ZNF395: variants seen among roughly 807,000 people sequenced by gnomAD.
The protein encoded by ZNF395 is zinc finger protein 395.
ZNF395 carries 20 observed loss-of-function variants against 57.7 expected under a neutral mutation model. The ratio of observed to expected loss-of-function variants is 0.35; its 90% CI spans 0.24 to 0.50. ZNF395 has a LOEUF of 0.50. Among genes scored for constraint, ZNF395 ranks in the 20% least tolerant of loss-of-function variants. The pLI is 0.97. For missense variants in ZNF395, 606 were observed against 671.2 expected (o/e 0.90, Z 1.07); for synonymous variants, 295 against 275.9 (o/e 1.07, Z -0.69).
chr8:28,380,989 C>T (rs1802101398), intron 1 of ZNF395, among the ~76,000 whole-genome samples: 1 of 149,884 alleles, frequency 6.7e-6, no homozygotes, highest in South Asian at 2.1e-4. Context: ...GCTGGGAGTA[C>T]AGGCATGCAC....
intron 1 of ZNF395, among the ~76,000 whole-genome samples, chr8:28,379,317 G>T (rs1046106719): frequency 2.0e-5 from 3 of 152,132 alleles, no homozygotes; most frequent in Non-Finnish European, 2.9e-5. Context: ...TAGATCTTAT[G>T]ATTAGATCAC....
At position 28,351,638 on chromosome 8, in the gene ZNF395, G is replaced by C. The variant is rs201188921; in HGVS notation, c.1090C>G (p.Leu364Val). ...TGCAGAGGTGGTGGAAGAGCAGACA[G>C]AGGCAGGCCAGTCATGCTGGGGGTG... Reference protein sequence around the residue: ...APTPSMTGLPLSALPPPLHKA... With the variant: ...APTPSMTGLPVSALPPPLHKA... Residue 364 changes from leucine (L) to valine (V), a missense_variant, in exon 7 of 10, where the codon CTG becomes GTG. By Grantham distance (32) the Leu-to-Val change is conservative. Transcript: ENST00000344423. 1.4e-5 allele frequency: 22 copies of C among 1,613,496 alleles called. No individual in the cohort carries two copies. The East Asian group carries it at 4.9e-4, about 36-fold the overall frequency.
At chr8:28,373,483 C>G (rs564048116) in intron 1 of ZNF395, among the ~76,000 whole-genome samples, 1 of 151,428 alleles carries the variant, frequency 6.6e-6, no homozygotes, top group Non-Finnish European at 1.5e-5. Flanking sequence ...TGCTTCCAAA[C>G]GCCTCACGCT....
rs545038442 is a variant in ZNF395, at chr8:28,348,383, T to A, written c.*336A>T. 2 of 260,578 alleles carry A rather than the reference T, an allele frequency of 7.7e-6. No homozygotes were observed. Among genetic ancestry groups the A allele is most frequent in the Non-Finnish European group, 7.6e-6 (1 of 132,224 alleles). 16.1% of individuals were successfully genotyped at this position (260,578 alleles called of 1,614,324 possible). A position where few individuals can be genotyped will look rare whatever the true frequency, so the allele number is the denominator to read the frequency against. On this transcript the variant is annotated 3_prime_UTR_variant, in exon 10 of 10. Transcript: ENST00000344423. Reference sequence around the variant, plus strand: ...GCAGGAAGCAGAACGAGCTGTTCCTTCTTTTGACACGCACAAGCTAATCCC... The same window carrying A: ...GCAGGAAGCAGAACGAGCTGTTCCTACTTTTGACACGCACAAGCTAATCCC...
At chr8:28,351,953 CTGA>C in intron 6 of ZNF395, 146 bp from the exon 7 acceptor site, 4 of 844,130 alleles carry the variant, frequency 4.7e-6, no homozygotes. Context: ...TGCCTCGCTC[CTGA>C]CGGGTGTCAC....
intron 1 of ZNF395, among the ~76,000 whole-genome samples, chr8:28,369,830 C>T (rs1801956525): frequency 6.6e-6 from 1 of 152,234 alleles, no homozygotes; most frequent in Non-Finnish European, 1.5e-5. Flanking sequence ...AGCCCTGCTG[C>T]TATGCAACAT....
At position 28,351,660 on chromosome 8, in the gene ZNF395, G is replaced by A. The variant is rs750595168; in HGVS notation, c.1068C>T (p.Thr356=). The A allele has an allele frequency of 6.2e-7, 1 of 1,613,048 alleles. No homozygotes were observed. The highest frequency in any genetic ancestry group is 1.3e-5 in the African/African-American group (1 of 74,940). The stretch of plus-strand genomic sequence containing the variant: ...ACAGAGGCAGGCCAGTCATGCTGGG[G>A]GTGGGAGCTGGCTCGGAGGTGGGAG... The part of the protein sequence containing the change: ...PGTPTSEPAP[T]PSMTGLPLSA... The change falls in exon 7 of 10, where the codon ACC becomes ACT. Residue 356 remains threonine, a synonymous_variant. Coordinates refer to ENST00000344423, the MANE Select transcript of ZNF395 (RefSeq NM_018660.3).
chr8:28,384,716 T>C (rs1802150720), intron 1 of ZNF395, among the ~76,000 whole-genome samples: 1 of 152,190 alleles, frequency 6.6e-6, no homozygotes, highest in Admixed American at 6.5e-5. Context: ...CAGGCATAAT[T>C]TACTTCAAAA....
chr8:28,349,366 G>A lies in ZNF395; in HGVS notation c.1327-138C>T, dbSNP rs755806943. On this transcript the variant is annotated intron_variant, in intron 8 of 9. Coordinates refer to ENST00000344423, the MANE Select transcript of ZNF395 (RefSeq NM_018660.3). Reference sequence around the variant, plus strand: ...CCTTCTCAGGGAGAACACTCCAGCCGAGGGGAGCTCTTGGCAGGAGAGTGA... The same window carrying A: ...CCTTCTCAGGGAGAACACTCCAGCCAAGGGGAGCTCTTGGCAGGAGAGTGA... 23 of 555,172 alleles carry A rather than the reference G, an allele frequency of 4.1e-5. 1 individual carries two copies. Among genetic ancestry groups the A allele is most frequent in the South Asian group, 9.5e-5 (3 of 31,426 alleles). 34.4% of individuals were successfully genotyped at this position (555,172 alleles called of 1,614,324 possible).
At chr8:28,384,620 T>G (rs919239743) in intron 1 of ZNF395, among the ~76,000 whole-genome samples, 1 of 152,230 alleles carries the variant, frequency 6.6e-6, no homozygotes, top group Non-Finnish European at 1.5e-5. Context: ...TATGAGCCTC[T>G]GCTCCTCTGC....
At position 28,348,774 on chromosome 8, in the gene ZNF395, T is replaced by C. The variant is rs1353360346; in HGVS notation, c.1487A>G (p.Asp496Gly). 1 of 1,614,052 alleles carries C rather than the reference T, an allele frequency of 6.2e-7. No individual in the cohort carries two copies. The highest frequency in any genetic ancestry group is 2.2e-5 in the East Asian group (1 of 44,868). Residue 496 changes from aspartate (D) to glycine (G), a missense_variant, in exon 10 of 10, where the codon GAC becomes GGC. By Grantham distance (94) the Asp-to-Gly change is moderately conservative. This residue lies in a region of ZNF395 where 36 missense variants were observed against 56.2 expected (regional missense o/e 0.64). Transcript: ENST00000344423. ...CCACCGGCAGGCCGTGCACCACTGG[T>C]CCCGGTGCTCGATGCCATACACCTT... Reference protein sequence around the residue: ...CRKVYGIEHRDQWCTACRWKK... With the variant: ...CRKVYGIEHRGQWCTACRWKK...
intron 1 of ZNF395, among the ~76,000 whole-genome samples, chr8:28,368,038 G>A (rs577960713): frequency 6.6e-6 from 1 of 152,312 alleles, no homozygotes; most frequent in Admixed American, 6.5e-5. Flanking sequence ...GGGCGCTGGG[G>A]CGTGCATGTA....
intron 1 of ZNF395, among the ~76,000 whole-genome samples, chr8:28,370,244 G>A (rs1352466347): frequency 3.6e-4 from 55 of 152,180 alleles, no homozygotes; most frequent in Non-Finnish European, 4.4e-5. Context: ...GGTTGAAGGA[G>A]ACACAGGTTT....
intron 1 of ZNF395, among the ~76,000 whole-genome samples, chr8:28,363,073 C>A (rs1340710940): frequency 6.6e-6 from 1 of 150,412 alleles, no homozygotes; most frequent in Non-Finnish European, 1.5e-5. Flanking sequence ...AGATTCTTTG[C>A]CACTATAAAG....
chr8:28,366,675 T>C (rs549461190), intron 1 of ZNF395, among the ~76,000 whole-genome samples: 5 of 152,250 alleles, frequency 3.3e-5, no homozygotes, highest in Admixed American at 2.0e-4. Flanking sequence ...TATATGCAAA[T>C]ATGTTTATGG....
chr8:28,354,281 G>A (rs1345488750), intron 4 of ZNF395, among the ~76,000 whole-genome samples: 2 of 152,116 alleles, frequency 1.3e-5, no homozygotes, highest in Non-Finnish European at 2.9e-5. Flanking sequence ...GCCCAACCCA[G>A]ACTCTCACTC....
intron 2 of ZNF395, 22 bp downstream of exon 2, chr8:28,360,863 G>A: frequency 6.2e-7 from 1 of 1,611,896 alleles, no homozygotes; most frequent in East Asian, 2.2e-5. Flanking sequence ...CGGGACACCT[G>A]TCCATGTTGG....
chr8:28,377,947 G>A (rs1173926138), intron 1 of ZNF395, among the ~76,000 whole-genome samples: 2 of 151,544 alleles, frequency 1.3e-5, no homozygotes, highest in African/African-American at 4.9e-5. Context: ...TAGTAGAGAC[G>A]GGGTTTCACC....
intron 1 of ZNF395, among the ~76,000 whole-genome samples, chr8:28,361,813 CG>C (rs1363986229): frequency 6.6e-6 from 1 of 152,110 alleles, no homozygotes; most frequent in Non-Finnish European, 1.5e-5. Flanking sequence ...CGAGCTTGGC[CG>C]GGCGTGGTGG....
Sources: allele counts gnomAD v4.1 joint callset (sites outside exome capture counted in the v4.1 genomes callset), GRCh38; gene constraint gnomAD v4.1.1; regional missense constraint gnomAD v4.1.1; transcripts MANE v1.5; gene names NCBI Gene and HGNC (gene_info 2026-07-23, HGNC 2026-07-21).